Variants in CHD9 observed in about 807,000 individuals in gnomAD.
The protein encoded by CHD9 is chromodomain helicase DNA binding protein 9.
CHD9 carries 77 observed loss-of-function variants against 316.1 expected under a neutral mutation model. The ratio of observed to expected loss-of-function variants is 0.24; its 90% confidence interval spans 0.20 to 0.29. CHD9 has a LOEUF of 0.29. CHD9 is among the 10% of genes least tolerant of loss of function. The probability of loss-of-function intolerance (pLI) is 1.00; values close to 1 mark genes in which losing one functional copy is unlikely to be tolerated. For synonymous variants in CHD9, 1,129 were observed against 1,158.3 expected (o/e 0.97, Z 0.51); for missense variants, 2,763 against 3,438.1 (o/e 0.80, Z 4.91).
intron 1 of CHD9, among the ~76,000 whole-genome samples, chr16:53,152,826 T>C (rs1017095245): frequency 2.0e-5 from 3 of 152,134 alleles, no homozygotes; most frequent in Admixed American, 2.0e-4. Context: ...GAGATTTTAT[T>C]TAAAACCTTG....
chr16:53,280,465 T>C (rs1294836242), intron 24 of CHD9, among the ~76,000 whole-genome samples: 1 of 151,688 alleles, frequency 6.6e-6, no homozygotes, highest in Non-Finnish European at 1.5e-5. Context: ...AAGTGGAAGC[T>C]AAGCTATGAG....
At position 53,324,721 on chromosome 16, in the gene CHD9, A is replaced by G. The variant is rs538904436; in HGVS notation, c.8520A>G (p.Val2840=). 14 of 1,613,332 alleles carry G rather than the reference A, an allele frequency of 8.7e-6. No individual in the cohort carries two copies. The highest frequency in any genetic ancestry group is 1.1e-5 in the South Asian group (1 of 90,906). The change falls in exon 39 of 39, where the codon GTA becomes GTG. Residue 2840 remains valine, a synonymous_variant. Transcript: ENST00000447540. ...KNSDLGSSKS[V]EVKEEDSRIK... is the part of the protein sequence containing the mutation. ...GTGACTTAGGCTCGTCTAAGTCTGT[A>G]GAAGTAAAAGAAGAAGATTCCAGAA...
intron 1 of CHD9, among the ~76,000 whole-genome samples, chr16:53,097,161 T>G (rs1445635716): frequency 8.2e-6 from 1 of 121,316 alleles, no homozygotes; most frequent in Non-Finnish European, 1.7e-5. Context: ...TTTTATCTCT[T>G]ATCAAGTATA....
chr16:53,181,800 C>G (rs1462128810), intron 2 of CHD9, among the ~76,000 whole-genome samples: 1 of 152,126 alleles, frequency 6.6e-6, no homozygotes, highest in South Asian at 2.1e-4. Context: ...TAAAACAGGG[C>G]TGGATGCGGT....
chr16:53,146,298 C>T (rs1335123449), intron 1 of CHD9, among the ~76,000 whole-genome samples: 14 of 146,330 alleles, frequency 9.6e-5, no homozygotes, highest in Non-Finnish European at 1.5e-4. Context: ...GAGGCTGAGG[C>T]AGGAGAATTG....
chr16:53,117,635 C>T (rs1034843453), intron 1 of CHD9, among the ~76,000 whole-genome samples: 40 of 151,858 alleles, frequency 2.6e-4, no homozygotes, highest in African/African-American at 8.2e-4. Context: ...AGGCTGGTCT[C>T]GAACTCCCGA....
Position 53,209,478 on chromosome 16 carries a change from G to A in CHD9, c.1453-4G>A. ...TTCTATAAAAAATATTTTTGTTTCT[G>A]TAGCCTCCATCTTCCAAGAAGAGCG... On this transcript the variant is annotated splice_polypyrimidine_tract_variant and splice_region_variant and intron_variant, in intron 2 of 38. Transcript: ENST00000447540. The A allele has an allele frequency of 6.3e-7, 1 of 1,580,410 alleles. No individual in the cohort carries two copies.
rs201499898 is a variant in CHD9, at chr16:53,315,111, G to A, written c.7584+67G>A. The A allele has an allele frequency of 5.1e-5, 59 of 1,166,162 alleles. 1 individual carries two copies. The highest frequency in any genetic ancestry group is 2.3e-5 in the Non-Finnish European group (19 of 814,804). 72.2% of individuals were successfully genotyped at this position (1,166,162 alleles called of 1,614,324 possible). On this transcript the variant is annotated intron_variant, in intron 36 of 38. Coordinates refer to ENST00000447540, the MANE Select transcript of CHD9 (RefSeq NM_001308319.2). The stretch of plus-strand genomic sequence containing the variant: ...GAGTTGTCAGATCTATCATGATGAA[G>A]CATAAATTCTCATCCACTTATGCTA...
intron 1 of CHD9, among the ~76,000 whole-genome samples, chr16:53,097,706 TTGAA>T (rs1426946451): frequency 2.6e-5 from 4 of 152,196 alleles, no homozygotes; most frequent in Non-Finnish European, 5.9e-5. Context: ...CAAATATTTA[TTGAA>T]TGAAGAAATA....
At chr16:53,163,951 C>T (rs1421068) in intron 2 of CHD9, among the ~76,000 whole-genome samples, 73,892 of 151,896 alleles carry the variant, frequency 0.49, 18,686 homozygotes, top group African/African-American at 0.6. Flanking sequence ...TTCCTTCAAT[C>T]TGCATGGTTG....
At chr16:53,119,172 A>G (rs1345589806) in intron 1 of CHD9, among the ~76,000 whole-genome samples, 1 of 152,176 alleles carries the variant, frequency 6.6e-6, no homozygotes, top group Non-Finnish European at 1.5e-5. Flanking sequence ...GAATATGTTT[A>G]TTACCAGGAT....
At chr16:53,255,520 C>T (rs768929702) in intron 18 of CHD9, 80 bp from the exon 19 acceptor site, 12 of 1,304,942 alleles carry the variant, frequency 9.2e-6, no homozygotes, top group Non-Finnish European at 1.3e-5. Context: ...CTCTTGTGTT[C>T]TTTGACATCC....
chr16:53,077,376 T>C (rs981384991), intron 1 of CHD9, among the ~76,000 whole-genome samples: 2 of 151,686 alleles, frequency 1.3e-5, no homozygotes, highest in Admixed American at 6.6e-5. Flanking sequence ...CAGGCTGGAG[T>C]GCAGTGGCGT....
chr16:53,312,751 T>TA (rs1333243800), intron 34 of CHD9, among the ~76,000 whole-genome samples: 1 of 152,198 alleles, frequency 6.6e-6, no homozygotes, highest in African/African-American at 2.4e-5. Flanking sequence ...AATGGTTACT[T>TA]ACCATATGAA....
rs777391603 is a variant in CHD9 at position 53,231,387 on chromosome 16, C to T, written c.2287-32C>T. 18 of 1,234,566 alleles carry T rather than the reference C, an allele frequency of 1.5e-5. No homozygotes were observed. The East Asian group carries it at 2.1e-4, about 14-fold the overall frequency. 76.5% of individuals were successfully genotyped at this position (1,234,566 alleles called of 1,614,324 possible). On this transcript the variant is annotated intron_variant, in intron 8 of 38. Transcript: ENST00000447540. ...TACTTTTATCATTCCAGTTCTTTGT[C>T]AGATGTCAATTAAGTTACCTTTTAA...
chr16:53,089,801 C>T (rs2035780326), intron 1 of CHD9, among the ~76,000 whole-genome samples: 2 of 152,242 alleles, frequency 1.3e-5, no homozygotes, highest in Admixed American at 1.3e-4. Flanking sequence ...TTGTTGATGC[C>T]CTGGCAGGTG....
chr16:53,104,115 C>A lies in CHD9; in HGVS notation c.-165+49038C>A, dbSNP rs2037121635. On this transcript the variant is annotated intron_variant, in intron 1 of 38. Coordinates refer to ENST00000447540, the MANE Select transcript of CHD9 (RefSeq NM_001308319.2). The stretch of plus-strand genomic sequence containing the variant: ...TTGGCCAGGGGAATTTTTCTAAAAT[C>A]TAAGCTTTGACTGCATTTAACTCCT... 2.0e-5 allele frequency among the ~76,000 whole-genome samples: 3 copies of A among 152,174 alleles called. No individual in the cohort carries two copies. In the South Asian group the frequency reaches 6.2e-4, roughly 31 times the overall value.
intron 30 of CHD9, among the ~76,000 whole-genome samples, chr16:53,301,759 T>C (rs2055446198): frequency 7.0e-6 from 1 of 143,548 alleles, no homozygotes; most frequent in African/African-American, 2.6e-5. Context: ...TCTCTCTTTC[T>C]TTTTTTTCTT....
intron 13 of CHD9, among the ~76,000 whole-genome samples, chr16:53,244,075 G>A (rs924036372): frequency 4.6e-5 from 7 of 151,602 alleles, no homozygotes; most frequent in Non-Finnish European, 7.4e-5. Context: ...GGAATTTAAA[G>A]GTTTTGTCAA....
Sources: allele counts gnomAD v4.1 joint callset (sites outside exome capture counted in the v4.1 genomes callset), GRCh38; gene constraint gnomAD v4.1.1; transcripts MANE v1.5; gene names NCBI Gene and HGNC (gene_info 2026-07-23, HGNC 2026-07-21).